The following SPOCK1 variants were observed in gnomAD, a reference collection of about 807,000 sequenced individuals.
SPOCK1 encodes the protein testican-1.
A neutral mutation model predicts 55.3 loss-of-function variants in SPOCK1; 23 were observed. The observed-to-expected ratio is 0.42, with a 90% CI of 0.30 to 0.59. The LOEUF is 0.59. SPOCK1 is among the 20% of genes least tolerant of loss of function. The probability of loss-of-function intolerance (pLI) is 0.22; values close to 1 mark genes in which losing one functional copy is unlikely to be tolerated. For missense variants in SPOCK1, 499 were observed against 552.5 expected, an observed-to-expected ratio of 0.90 and a Z score of 0.97; for synonymous variants, 226 against 221.0, an observed-to-expected ratio of 1.02 and a Z score of -0.20.
intron 2 of SPOCK1, among the ~76,000 whole-genome samples, chr5:137,304,488 G>A (rs765995333): frequency 3.3e-5 from 5 of 152,156 alleles, no homozygotes; most frequent in African/African-American, 1.2e-4. Context: ...TGAGTTGTGC[G>A]GGGCGGGGGG....
At chr5:137,087,904 G>C (rs1165052222) in intron 5 of SPOCK1, among the ~76,000 whole-genome samples, 1 of 152,126 alleles carries the variant, frequency 6.6e-6, no homozygotes, top group East Asian at 1.9e-4. Context: ...TCCCACCCAG[G>C]ATTTCTGCAA....
At chr5:137,424,580 A>G (rs1302157882) in intron 2 of SPOCK1, among the ~76,000 whole-genome samples, 1 of 152,236 alleles carries the variant, frequency 6.6e-6, no homozygotes, top group Non-Finnish European at 1.5e-5. Flanking sequence ...AACCCTACTC[A>G]TAATAGTCTC....
intron 5 of SPOCK1, among the ~76,000 whole-genome samples, chr5:137,084,077 G>C (rs1406199116): frequency 6.6e-6 from 1 of 152,134 alleles, no homozygotes; most frequent in African/African-American, 2.4e-5. Context: ...CCAGGATTAT[G>C]ATGAGAGTTC....
intron 3 of SPOCK1, among the ~76,000 whole-genome samples, chr5:137,152,946 C>A (rs1754345799): frequency 6.6e-6 from 1 of 152,224 alleles, no homozygotes; most frequent in Non-Finnish European, 1.5e-5. Flanking sequence ...GATAATCCAA[C>A]TAGTAAGTAG....
At chr5:137,301,670 T>A (rs1419759948) in intron 2 of SPOCK1, among the ~76,000 whole-genome samples, 2 of 148,312 alleles carry the variant, frequency 1.3e-5, no homozygotes. Flanking sequence ...ATGTTCTCAT[T>A]TTGGGCAAGG....
At chr5:137,106,588 T>C (rs1753373803) in intron 5 of SPOCK1, among the ~76,000 whole-genome samples, 1 of 152,018 alleles carries the variant, frequency 6.6e-6, no homozygotes, top group African/African-American at 2.4e-5. Flanking sequence ...GCTTCCCAAA[T>C]ACCTTTTTAG....
At position 137,369,489 on chromosome 5, in the gene SPOCK1, G is replaced by T. The variant is rs569280273; in HGVS notation, c.187-102434C>A. Among the ~76,000 whole-genome samples, 89 of 152,288 alleles carry T rather than the reference G, an allele frequency of 5.8e-4. 1 individual carries two copies. The Middle Eastern group carries it at 0.01, about 17-fold the overall frequency. On this transcript the variant is annotated intron_variant, in intron 2 of 10. Transcript: ENST00000394945. Reference sequence around the variant, plus strand: ...AACAGGCAATATCCACACAGGGGTCGAGAAGTGCCAGGGAGACAAGCTGTT... The same window carrying T: ...AACAGGCAATATCCACACAGGGGTCTAGAAGTGCCAGGGAGACAAGCTGTT...
chr5:137,000,992 A>G (rs1751137687), intron 6 of SPOCK1, among the ~76,000 whole-genome samples: 1 of 152,170 alleles, frequency 6.6e-6, no homozygotes, highest in African/African-American at 2.4e-5. Flanking sequence ...GACAGAGTGA[A>G]ACTCCGTCTC....
chr5:137,381,665 G>A (rs1013655694), intron 2 of SPOCK1, among the ~76,000 whole-genome samples: 2 of 152,234 alleles, frequency 1.3e-5, no homozygotes, highest in African/African-American at 4.8e-5. Context: ...GGCCAGAGCT[G>A]GAGTGGCTGG....
At chr5:137,027,415 C>A (rs768509520) in intron 6 of SPOCK1, among the ~76,000 whole-genome samples, 1 of 152,118 alleles carries the variant, frequency 6.6e-6, no homozygotes, top group Non-Finnish European at 1.5e-5. Flanking sequence ...AGCCAGTAAT[C>A]CCCTGCCCTG....
At chr5:137,031,962 CAT>C (rs903362753) in intron 6 of SPOCK1, among the ~76,000 whole-genome samples, 59 of 148,796 alleles carry the variant, frequency 4.0e-4, no homozygotes, top group African/African-American at 1.2e-3. Context: ...TATATATATG[CAT>C]GTGTGTGTAT....
At chr5:136,986,360 C>T (rs2126960674) in intron 8 of SPOCK1, among the ~76,000 whole-genome samples, 1 of 152,214 alleles carries the variant, frequency 6.6e-6, no homozygotes, top group Middle Eastern at 3.4e-3. Flanking sequence ...GTAAGGAAAC[C>T]ATGCTAAAAA....
intron 3 of SPOCK1, among the ~76,000 whole-genome samples, chr5:137,217,293 C>T (rs1236570088): frequency 6.6e-6 from 1 of 152,198 alleles, no homozygotes; most frequent in Non-Finnish European, 1.5e-5. Flanking sequence ...CCATCTCATC[C>T]AGCATTAACT....
intron 5 of SPOCK1, among the ~76,000 whole-genome samples, chr5:137,108,870 T>C (rs1753414161): frequency 6.6e-6 from 1 of 152,190 alleles, no homozygotes; most frequent in Non-Finnish European, 1.5e-5. Context: ...AGCTATTAAG[T>C]ACTTCTAAGC....
At chr5:137,157,265 G>A (rs2127048138) in intron 3 of SPOCK1, among the ~76,000 whole-genome samples, 1 of 152,322 alleles carries the variant, frequency 6.6e-6, no homozygotes, top group African/African-American at 2.4e-5. Context: ...GAATGCTCCA[G>A]GAGGATTAGT....
intron 3 of SPOCK1, among the ~76,000 whole-genome samples, chr5:137,150,049 G>T (rs1282929694): frequency 6.6e-6 from 1 of 152,090 alleles, no homozygotes; most frequent in African/African-American, 2.4e-5. Flanking sequence ...TTTTTAGCTT[G>T]CTCCTAAAAT....
chr5:137,193,251 G>A (rs1755223010), intron 3 of SPOCK1, among the ~76,000 whole-genome samples: 1 of 152,140 alleles, frequency 6.6e-6, no homozygotes, highest in Non-Finnish European at 1.5e-5. Flanking sequence ...CAATTAGGAG[G>A]TTGCTGCAAT....
intron 2 of SPOCK1, among the ~76,000 whole-genome samples, chr5:137,413,241 T>C (rs7719269): frequency 0.08 from 12,213 of 152,106 alleles, 1,255 homozygotes; most frequent in African/African-American, 0.24. Context: ...GGGTTTTTTT[T>C]CCCCAGAATT....
intron 3 of SPOCK1, among the ~76,000 whole-genome samples, chr5:137,252,211 C>T (rs1033695649): frequency 6.6e-5 from 10 of 152,234 alleles, no homozygotes; most frequent in African/African-American, 1.9e-4. Context: ...CAAGCATGAG[C>T]CACTGTGCCC....
Sources: allele counts gnomAD v4.1 joint callset (sites outside exome capture counted in the v4.1 genomes callset), GRCh38; gene constraint gnomAD v4.1.1; transcripts MANE v1.5; gene names NCBI Gene and HGNC (gene_info 2026-07-23, HGNC 2026-07-21).